The following ITGA11 variants were observed in gnomAD, a reference collection of about 807,000 sequenced individuals.
The protein encoded by ITGA11 is integrin subunit alpha 11.
A neutral mutation model predicts 141.9 loss-of-function variants in ITGA11; 97 were observed. That is an observed-to-expected ratio of 0.68 (90% CI 0.58 to 0.81). The LOEUF (loss-of-function observed/expected upper bound fraction) is 0.81, where lower values mean the gene tolerates loss of function less well. ITGA11 is among the 30% of genes least tolerant of loss of function. The pLI, the probability that ITGA11 is intolerant of heterozygous loss-of-function variation, is 0.00. For synonymous variants in ITGA11, 658 were observed against 624.6 expected, an observed-to-expected ratio of 1.05 and a Z score of -0.80; for missense variants, 1,387 against 1,559.2, an observed-to-expected ratio of 0.89 and a Z score of 1.86.
intron 2 of ITGA11, among the ~76,000 whole-genome samples, chr15:68,393,206 G>T (rs2140393570): frequency 6.6e-6 from 1 of 152,196 alleles, no homozygotes; most frequent in Non-Finnish European, 1.5e-5. Flanking sequence ...AGAGAAAAAT[G>T]GAATAAAAAA....
chr15:68,367,961 C>G (rs16951954), intron 3 of ITGA11, among the ~76,000 whole-genome samples: 1 of 152,198 alleles, frequency 6.6e-6, no homozygotes, highest in East Asian at 1.9e-4. Context: ...TTCCCTTAGA[C>G]GATTTCCTCA....
chr15:68,328,307 G>A lies in ITGA11; in HGVS notation c.1902-45C>T, dbSNP rs950882920. The A allele has an allele frequency of 2.6e-6, 4 of 1,553,850 alleles. No individual in the cohort carries two copies. The African/African-American group carries it at 4.1e-5, about 16-fold the overall frequency. ...GAGCTGGGGTGGGGCAGGGGCTCAGGCTGCCCTGCTGTGACCATGGGGAAA... is the reference window on the plus strand; with the variant it reads ...GAGCTGGGGTGGGGCAGGGGCTCAGACTGCCCTGCTGTGACCATGGGGAAA... On this transcript the variant is annotated intron_variant, in intron 15 of 29. Coordinates refer to ENST00000315757, the MANE Select transcript of ITGA11 (RefSeq NM_001004439.2). This position sits in a 1 kb window ranked among gnomAD's most constrained non-coding sequence, Gnocchi z 4.8.
chr15:68,354,722 T>TC (rs1391315591), intron 7 of ITGA11, among the ~76,000 whole-genome samples: 2 of 152,116 alleles, frequency 1.3e-5, no homozygotes, highest in Non-Finnish European at 2.9e-5. Flanking sequence ...TGGGGGCCCC[T>TC]CCCTCTCTCA....
At chr15:68,310,681 C>A (rs192322529) in intron 26 of ITGA11, among the ~76,000 whole-genome samples, 1 of 152,208 alleles carries the variant, frequency 6.6e-6, no homozygotes, top group Non-Finnish European at 1.5e-5. Flanking sequence ...CCTACTGGCC[C>A]GCTTGGCCCA....
intron 2 of ITGA11, among the ~76,000 whole-genome samples, chr15:68,369,702 C>T (rs1278767948): frequency 6.6e-6 from 1 of 152,222 alleles, no homozygotes; most frequent in Non-Finnish European, 1.5e-5. Context: ...AGAGTCTTGA[C>T]CATCTGTCAT....
chr15:68,351,880 C>G (rs138997606), intron 7 of ITGA11, among the ~76,000 whole-genome samples: 2,453 of 151,994 alleles, frequency 0.016, 75 homozygotes, highest in African/African-American at 0.056. Flanking sequence ...GTTGGGAGTT[C>G]GAGACTAGCC....
intron 4 of ITGA11, among the ~76,000 whole-genome samples, chr15:68,362,934 ATG>A (rs1174411964): frequency 8.6e-5 from 1 of 11,620 alleles, no homozygotes; most frequent in Non-Finnish European, 2.3e-4. Context: ...TGGATGATGG[ATG>A]AATGGATGAT....
chr15:68,381,961 C>T (rs1340674592), intron 2 of ITGA11, among the ~76,000 whole-genome samples: 1 of 152,192 alleles, frequency 6.6e-6, no homozygotes, highest in Non-Finnish European at 1.5e-5. Flanking sequence ...GGCCTCGCCC[C>T]ACCTCTGGGA....
intron 10 of ITGA11, among the ~76,000 whole-genome samples, chr15:68,345,381 G>A (rs1595869668): frequency 6.6e-6 from 1 of 152,236 alleles, no homozygotes; most frequent in Non-Finnish European, 1.5e-5. Flanking sequence ...TTTGCCTTCA[G>A]CCTGGAATGT....
intron 20 of ITGA11, among the ~76,000 whole-genome samples, chr15:68,319,533 T>G (rs543030235): frequency 1.3e-5 from 2 of 152,310 alleles, no homozygotes; most frequent in South Asian, 4.1e-4. Context: ...GTGGGTGAGA[T>G]GGGCCTTGAA....
chr15:68,423,490 T>C (rs1249377635), intron 1 of ITGA11, among the ~76,000 whole-genome samples: 1 of 152,194 alleles, frequency 6.6e-6, no homozygotes, highest in African/African-American at 2.4e-5. Context: ...TTGGGGCTGC[T>C]GTTGGCGTGT....
At chr15:68,387,516 C>T (rs531744605) in intron 2 of ITGA11, among the ~76,000 whole-genome samples, 9 of 152,288 alleles carry the variant, frequency 5.9e-5, no homozygotes, top group Admixed American at 5.2e-4. Context: ...GCAAGCGTTC[C>T]AGGGATGCAC....
At chr15:68,354,838 G>T (rs1288291389) in intron 7 of ITGA11, among the ~76,000 whole-genome samples, 4 of 152,144 alleles carry the variant, frequency 2.6e-5, no homozygotes, top group Admixed American at 6.5e-5. Context: ...TTCATGGCCT[G>T]GATCTTTGCC....
rs1893126771 is a variant in ITGA11 at position 68,304,485 on chromosome 15, G to A, written c.3382-600C>T. 6.6e-6 allele frequency among the ~76,000 whole-genome samples: 1 copy of A among 152,060 alleles called. No individual in the cohort carries two copies. The highest frequency in any genetic ancestry group is 2.4e-5 in the African/African-American group (1 of 41,382). On this transcript the variant is annotated intron_variant, in intron 28 of 29. Transcript: ENST00000315757. The surrounding 1 kb of genome is among the most constrained non-coding windows in gnomAD (Gnocchi z 6.1). ...TAATTTTAAATACTTTTTTCCTATG[G>A]AGGAAGGTGTCCCAAAGGCAAAAGT...
Position 68,305,966 on chromosome 15 carries a change from C to A in ITGA11, c.3381+1382G>T, listed in dbSNP as rs1431232790. Among the ~76,000 whole-genome samples, 4 of 150,438 alleles carry A rather than the reference C, an allele frequency of 2.7e-5. No individual in the cohort carries two copies. The South Asian group carries it at 6.3e-4, about 24-fold the overall frequency. On this transcript the variant is annotated intron_variant, in intron 28 of 29. Coordinates refer to ENST00000315757, the MANE Select transcript of ITGA11 (RefSeq NM_001004439.2). The surrounding 1 kb of genome is among the most constrained non-coding windows in gnomAD (Gnocchi z 4.6). ...CTTTGGGAAGCCGAGGCGGGCAGAT[C>A]ATGAGGTCAGGAGATCGAGACCATC...
At chr15:68,336,258 A>G (rs1186305079) in intron 11 of ITGA11, among the ~76,000 whole-genome samples, 2 of 151,804 alleles carry the variant, frequency 1.3e-5, no homozygotes, top group Non-Finnish European at 2.9e-5. Context: ...ACCAATCTTC[A>G]CTCTTGGAGA....
At chr15:68,402,716 G>A (rs1004561847) in intron 2 of ITGA11, among the ~76,000 whole-genome samples, 1 of 152,180 alleles carries the variant, frequency 6.6e-6, no homozygotes, top group Admixed American at 6.5e-5. Flanking sequence ...AAGATACAGG[G>A]CTTGAGAAAT....
At chr15:68,396,930 A>ATATACAATATATTATTTAT (rs761543974) in intron 2 of ITGA11, among the ~76,000 whole-genome samples, 1,675 of 34,252 alleles carry the variant, frequency 0.049, 631 homozygotes, top group East Asian at 0.22. Flanking sequence ...TTATTATATA[A>ATATACAATATATTATTTAT]TATATAATAT....
At chr15:68,395,259 A>G (rs918378347) in intron 2 of ITGA11, among the ~76,000 whole-genome samples, 13 of 152,324 alleles carry the variant, frequency 8.5e-5, no homozygotes, top group African/African-American at 3.1e-4. Flanking sequence ...TAAAAGTCAG[A>G]GCACTTTTGT....
Sources: allele counts gnomAD v4.1 joint callset (sites outside exome capture counted in the v4.1 genomes callset), GRCh38; gene constraint gnomAD v4.1.1; non-coding constraint Gnocchi (gnomAD v3.1); transcripts MANE v1.5; gene names NCBI Gene and HGNC (gene_info 2026-07-23, HGNC 2026-07-21).